The following ADGRL2 variants were observed in gnomAD, a reference collection of about 807,000 sequenced individuals.
ADGRL2 encodes adhesion G protein-coupled receptor L2.
In ADGRL2, 44 loss-of-function variants were observed where a neutral mutation model predicts 157.4. That is an observed-to-expected ratio of 0.28 (90% CI 0.22 to 0.36). The LOEUF (loss-of-function observed/expected upper bound fraction) is 0.36. Among genes scored for constraint, ADGRL2 ranks in the 10% least tolerant of loss-of-function variants. The probability of loss-of-function intolerance (pLI) is 1.00; values close to 1 mark genes in which losing one functional copy is unlikely to be tolerated. For missense variants in ADGRL2, 1,510 were observed against 1,768.9 expected, an observed-to-expected ratio of 0.85 and a Z score of 2.63; for synonymous variants, 585 against 624.7, an observed-to-expected ratio of 0.94 and a Z score of 0.95.
intron 2 of ADGRL2, among the ~76,000 whole-genome samples, chr1:81,558,287 T>A (rs1052533735): frequency 7.2e-5 from 11 of 152,120 alleles, no homozygotes; most frequent in African/African-American, 2.7e-4. Flanking sequence ...GAAAAGGAAC[T>A]AAGAACAAAT....
chr1:81,599,093 A>G lies in ADGRL2; in HGVS notation c.-143+18113A>G, dbSNP rs191206676. On this transcript the variant is annotated intron_variant, in intron 3 of 24. Transcript: ENST00000370721. ...GCCACTGAAGCCTTTGTTCTGCAAC[A>G]GGCCATTATGCTACAACTTCTTACA... Among the ~76,000 whole-genome samples, 104 of 152,332 alleles carry G rather than the reference A, an allele frequency of 6.8e-4. 1 individual carries two copies. The highest frequency in any genetic ancestry group is 2.3e-3 in the African/African-American group (94 of 41,584).
At chr1:81,416,600 G>T (rs2077038758) in intron 1 of ADGRL2, among the ~76,000 whole-genome samples, 1 of 151,972 alleles carries the variant, frequency 6.6e-6, no homozygotes, top group African/African-American at 2.4e-5. Flanking sequence ...GCATCCAAAT[G>T]GTATTTGTCT....
rs139599334 is a variant in ADGRL2, at chr1:81,427,909, T to A, written c.-301-17127T>A. 5.6e-3 allele frequency among the ~76,000 whole-genome samples: 852 copies of A among 152,336 alleles called. 7 individuals carry two copies. The highest frequency in any genetic ancestry group is 0.045 in the East Asian group (231 of 5,176). On this transcript the variant is annotated intron_variant, in intron 1 of 24. Transcript: ENST00000370721. Reference sequence around the variant, plus strand: ...TGTGGTAGCTTTTTCTTCTTCTTTTTCTTTTCATTTCATCAGGTATATTGC... The same window carrying A: ...TGTGGTAGCTTTTTCTTCTTCTTTTACTTTTCATTTCATCAGGTATATTGC...
At chr1:81,378,480 AAC>A (rs1449671818) in intron 1 of ADGRL2, among the ~76,000 whole-genome samples, 1 of 150,694 alleles carries the variant, frequency 6.6e-6, no homozygotes, top group Non-Finnish European at 1.5e-5. Context: ...GCATCACCTG[AAC>A]CCAGGAGTTC....
intron 2 of ADGRL2, chr1:81,580,786 C>A (rs187065558): frequency 6.6e-6 from 1 of 151,598 alleles, no homozygotes; most frequent in African/African-American, 2.4e-5. Flanking sequence ...TGATTACATG[C>A]CAGTATAATA....
At chr1:81,308,333 G>A (rs1659496091) in intron 1 of ADGRL2, among the ~76,000 whole-genome samples, 1 of 152,106 alleles carries the variant, frequency 6.6e-6, no homozygotes, top group African/African-American at 2.4e-5. Flanking sequence ...TACAGGGAAA[G>A]AAAAGGATTT....
At chr1:81,378,750 C>A (rs565276430) in intron 1 of ADGRL2, among the ~76,000 whole-genome samples, 130 of 152,088 alleles carry the variant, frequency 8.5e-4, no homozygotes, top group South Asian at 3.5e-3. Flanking sequence ...CCTGAAATGC[C>A]CAGGACATAG....
intron 1 of ADGRL2, among the ~76,000 whole-genome samples, chr1:81,374,224 A>T (rs2076207591): frequency 6.6e-6 from 1 of 152,176 alleles, no homozygotes; most frequent in Admixed American, 6.5e-5. Flanking sequence ...AAAGCACACA[A>T]CAAAGCCCCA....
chr1:81,907,579 G>C (rs1273996828), intron 3 of ADGRL2, among the ~76,000 whole-genome samples: 3 of 151,858 alleles, frequency 2.0e-5, no homozygotes, highest in Non-Finnish European at 4.4e-5. Flanking sequence ...AAGTGCCTGG[G>C]TCTTTGGCAT....
chr1:81,339,580 T>TTTTG (rs144048263), intron 1 of ADGRL2, among the ~76,000 whole-genome samples: 35 of 151,912 alleles, frequency 2.3e-4, no homozygotes, highest in Admixed American at 1.8e-3. Flanking sequence ...CTTGGGGTTG[T>TTTTG]TTTGTTTGTT....
At chr1:81,558,702 A>T (rs1192533197) in intron 2 of ADGRL2, among the ~76,000 whole-genome samples, 1 of 152,312 alleles carries the variant, frequency 6.6e-6, no homozygotes, top group East Asian at 1.9e-4. Context: ...AAGTGTTTAT[A>T]ATAGTACCTG....
At chr1:81,923,758 G>A (rs568032599) in intron 3 of ADGRL2, among the ~76,000 whole-genome samples, 1 of 152,148 alleles carries the variant, frequency 6.6e-6, no homozygotes, top group South Asian at 2.1e-4. Flanking sequence ...ACAAGACTAG[G>A]CATTGAGATA....
chr1:81,480,003 G>A (rs1377363036), intron 2 of ADGRL2, among the ~76,000 whole-genome samples: 1 of 152,102 alleles, frequency 6.6e-6, no homozygotes, highest in African/African-American at 2.4e-5. Context: ...TTGTAGGTAA[G>A]GAAACTTAAT....
At chr1:81,394,732 T>C (rs2076624042) in intron 1 of ADGRL2, among the ~76,000 whole-genome samples, 1 of 152,148 alleles carries the variant, frequency 6.6e-6, no homozygotes, top group Non-Finnish European at 1.5e-5. Flanking sequence ...TACTCAGTAG[T>C]TGGAGTGCCA....
At chr1:81,710,295 A>T (rs1162470370) in intron 1 of ADGRL2, among the ~76,000 whole-genome samples, 1 of 152,050 alleles carries the variant, frequency 6.6e-6, no homozygotes, top group Non-Finnish European at 1.5e-5. Flanking sequence ...TTTTTGAGCT[A>T]ATAACCCATT....
chr1:81,414,566 G>A (rs2077002267), intron 1 of ADGRL2, among the ~76,000 whole-genome samples: 1 of 152,176 alleles, frequency 6.6e-6, no homozygotes, highest in African/African-American at 2.4e-5. Context: ...TGGAAGGATG[G>A]CCAGGTGCCC....
At chr1:81,651,070 T>C (rs2082410436) in intron 3 of ADGRL2, among the ~76,000 whole-genome samples, 1 of 152,200 alleles carries the variant, frequency 6.6e-6, no homozygotes, top group African/African-American at 2.4e-5. Context: ...AAATCCAAGC[T>C]GTGTGGAGTT....
intron 2 of ADGRL2, among the ~76,000 whole-genome samples, chr1:81,876,583 A>T (rs961779852): frequency 5.3e-5 from 6 of 112,282 alleles, no homozygotes; most frequent in Non-Finnish European, 1.1e-4. Context: ...TTACCTGGCT[A>T]TCAATAAGTA....
At chr1:81,549,700 C>T (rs1156889025) in intron 2 of ADGRL2, among the ~76,000 whole-genome samples, 3 of 152,144 alleles carry the variant, frequency 2.0e-5, no homozygotes, top group South Asian at 4.1e-4. Context: ...AACAAGATCA[C>T]GGGATGAGAA....
Sources: gnomAD v4.1 joint callset for allele counts (sites outside exome capture counted in the v4.1 genomes callset) on GRCh38, gnomAD v4.1.1 for gene constraint, MANE v1.5 for transcripts, NCBI Gene and HGNC (gene_info 2026-07-23, HGNC 2026-07-21) for gene names.